ADD2: variants seen among roughly 807,000 people sequenced by gnomAD.
ADD2 encodes the protein adducin 2.
A neutral mutation model predicts 83.0 loss-of-function variants in ADD2; 23 were observed. That is an observed-to-expected ratio of 0.28 (90% CI 0.20 to 0.39). The LOEUF is 0.39. Among genes scored for constraint, ADD2 ranks in the 10% least tolerant of loss-of-function variants. The pLI is 1.00. For missense variants in ADD2, 758 were observed against 944.9 expected, an observed-to-expected ratio of 0.80 and a Z score of 2.59; for synonymous variants, 375 against 375.4, an observed-to-expected ratio of 1.00 and a Z score of 0.01.
chr2:70,673,267 C>T, intron 14 of ADD2: 1 of 1,614,070 alleles, frequency 6.2e-7, no homozygotes, highest in Non-Finnish European at 8.5e-7. Flanking sequence ...ATGTGGAGGG[C>T]AACGCTGAAG....
intron 1 of ADD2, among the ~76,000 whole-genome samples, chr2:70,757,723 G>T (rs996091473): frequency 6.6e-6 from 1 of 152,048 alleles, no homozygotes; most frequent in African/African-American, 2.4e-5. Context: ...GTAGATTTTT[G>T]AAAGTAAACC....
At chr2:70,709,190 T>A (rs1409017170) in intron 2 of ADD2, among the ~76,000 whole-genome samples, 1 of 152,130 alleles carries the variant, frequency 6.6e-6, no homozygotes, top group African/African-American at 2.4e-5. Flanking sequence ...TAGTTAGTCA[T>A]CTTCTTATGA....
chr2:70,705,939 G>A (rs1558546618), intron 3 of ADD2, among the ~76,000 whole-genome samples: 1 of 152,150 alleles, frequency 6.6e-6, no homozygotes, highest in Non-Finnish European at 1.5e-5. Context: ...GGGAAGACTG[G>A]GAACTGAGGC....
intron 9 of ADD2, among the ~76,000 whole-genome samples, chr2:70,685,658 T>C (rs1190755919): frequency 1.3e-5 from 2 of 152,226 alleles, no homozygotes; most frequent in East Asian, 3.8e-4. Context: ...TTTAAGGTAA[T>C]AGATCTAAAG....
Position 70,696,234 on chromosome 2 carries a change from G to A in ADD2, c.474+11C>T, listed in dbSNP as rs782486788. 17 of 1,609,158 alleles carry A rather than the reference G, an allele frequency of 1.1e-5. No individual in the cohort carries two copies. The highest frequency in any genetic ancestry group is 1.4e-5 in the Non-Finnish European group (17 of 1,177,950). On this transcript the variant is annotated intron_variant, in intron 5 of 15. Coordinates refer to ENST00000264436, the MANE Select transcript of ADD2 (RefSeq NM_001617.4). ...GCAGTGCCCCACCCAATTCCAGGGCGTTCTGCTCACCGTGACATAGGTGTC... is the reference window on the plus strand; with the variant it reads ...GCAGTGCCCCACCCAATTCCAGGGCATTCTGCTCACCGTGACATAGGTGTC...
At chr2:70,664,899 T>C (rs1270498920) in intron 15 of ADD2, among the ~76,000 whole-genome samples, 1 of 151,992 alleles carries the variant, frequency 6.6e-6, no homozygotes, top group African/African-American at 2.4e-5. Flanking sequence ...GTGAGTGGTA[T>C]ATGAGTGTGG....
chr2:70,724,954 T>C (rs782596316), intron 1 of ADD2, among the ~76,000 whole-genome samples: 12 of 152,344 alleles, frequency 7.9e-5, no homozygotes, highest in Non-Finnish European at 8.8e-5. Flanking sequence ...CTCTCTCCTC[T>C]ACTGCCTCTT....
intron 14 of ADD2, 100 bp from the exon 15 acceptor site, chr2:70,673,106 C>T: frequency 6.5e-7 from 1 of 1,538,830 alleles, no homozygotes; most frequent in Admixed American, 1.9e-5. Context: ...ATTTGGTCAT[C>T]AATCCTCCTG....
chr2:70,659,802 G>C lies in ADD2; in HGVS notation c.*3623C>G, dbSNP rs913666950. The C allele has an allele frequency of 2.6e-5, 4 of 152,198 alleles. No individual in the cohort carries two copies. Among genetic ancestry groups the C allele is most frequent in the African/African-American group, 9.7e-5 (4 of 41,430 alleles). 9.4% of individuals were successfully genotyped at this position (152,198 alleles called of 1,614,324 possible). Reference sequence around the variant, plus strand: ...CTACGCAAGGAGCCGTTGGAGCCAAGCCTGTCTCTGCGAAACCACTAATCC... The same window carrying C: ...CTACGCAAGGAGCCGTTGGAGCCAACCCTGTCTCTGCGAAACCACTAATCC... On this transcript the variant is annotated 3_prime_UTR_variant, in exon 16 of 16. Coordinates refer to ENST00000264436, the MANE Select transcript of ADD2 (RefSeq NM_001617.4).
chr2:70,680,387 CATCCATTCTGCT>C (rs1670397964), intron 10 of ADD2, among the ~76,000 whole-genome samples: 2 of 152,190 alleles, frequency 1.3e-5, no homozygotes, highest in African/African-American at 2.4e-5. Context: ...TTGTTTTGCA[CATCCATTCTGCT>C]AGTGCCACGC....
At chr2:70,679,086 T>A in intron 10 of ADD2, 125 bp from the exon 11 acceptor site, 1 of 1,159,508 alleles carries the variant, frequency 8.6e-7, no homozygotes, top group South Asian at 1.6e-5. Context: ...AAATCTCCAT[T>A]AAACAATCTA....
chr2:70,691,863 C>G (rs1553371710), intron 7 of ADD2: 1 of 152,378 alleles, frequency 6.6e-6, no homozygotes, highest in Admixed American at 6.5e-5. Context: ...GGGGGAGTAC[C>G]CAGAACTGGT....
In ADD2 at chr2:70,698,615, T is replaced by C. The variant is rs1239766222; in HGVS notation, c.323-2219A>G. Among the ~76,000 whole-genome samples, 5 of 152,238 alleles carry C rather than the reference T, an allele frequency of 3.3e-5. No individual in the cohort carries two copies. In the East Asian group the frequency reaches 9.6e-4, roughly 29 times the overall value. ...AATGATAAGTGTTTGAGGTGATGGT[T>C]ATTCCAATTATCCTGATTTGATCAT... On this transcript the variant is annotated intron_variant, in intron 4 of 15. Transcript: ENST00000264436.
intron 7 of ADD2, 56 bp from the exon 8 acceptor site, chr2:70,690,985 A>G: frequency 6.4e-7 from 1 of 1,568,990 alleles, no homozygotes. Flanking sequence ...CTTTCCTCAG[A>G]GCAGCACAGT....
At chr2:70,734,783 C>A (rs1276794950) in intron 1 of ADD2, among the ~76,000 whole-genome samples, 1 of 152,232 alleles carries the variant, frequency 6.6e-6, no homozygotes, top group Non-Finnish European at 1.5e-5. Flanking sequence ...AAGCCGACCA[C>A]CTCTGTACCC....
intron 1 of ADD2, among the ~76,000 whole-genome samples, chr2:70,739,163 G>T (rs1553380665): frequency 6.6e-6 from 1 of 152,086 alleles, no homozygotes; most frequent in African/African-American, 2.4e-5. Flanking sequence ...GTAATATCCA[G>T]CATCTATAAG....
In ADD2 at chr2:70,659,622, A is replaced by G. The variant is rs1271035393; in HGVS notation, c.*3803T>C. On this transcript the variant is annotated 3_prime_UTR_variant, in exon 16 of 16. Coordinates refer to ENST00000264436, the MANE Select transcript of ADD2 (RefSeq NM_001617.4). ...AGTTATAGGAGAGTGGAGGGGGTCA[A>G]CTGGCCAAAGTAGGACAGTTACTTG... 1 of 152,214 alleles carries G rather than the reference A, an allele frequency of 6.6e-6. No individual in the cohort carries two copies. The highest frequency in any genetic ancestry group is 1.5e-5 in the Non-Finnish European group (1 of 68,038). The allele number at this position is 152,214 out of a possible 1,614,324, so 9.4% of individuals were successfully genotyped here. A position where few individuals can be genotyped will look rare whatever the true frequency, so the allele number is the denominator to read the frequency against.
intron 1 of ADD2, among the ~76,000 whole-genome samples, chr2:70,765,776 G>T (rs1212695475): frequency 2.0e-5 from 3 of 152,104 alleles, no homozygotes; most frequent in Admixed American, 2.0e-4. Flanking sequence ...TCATGTTTTT[G>T]TATCAGCCTC....
In ADD2 at chr2:70,767,957, G is replaced by A; in HGVS notation, c.-225C>T. 4 of 1,535,464 alleles carry A rather than the reference G, an allele frequency of 2.6e-6. No homozygotes were observed. The Middle Eastern group carries it at 6.7e-4, about 257-fold the overall frequency. On this transcript the variant is annotated 5_prime_UTR_variant, in exon 1 of 16. Coordinates refer to ENST00000264436, the MANE Select transcript of ADD2 (RefSeq NM_001617.4). ...GTTTTGTTATTTTATGGGTTTGGGGGGTGGGGTGCGCTTAAAAAATCCACC... is the reference window on the plus strand; with the variant it reads ...GTTTTGTTATTTTATGGGTTTGGGGAGTGGGGTGCGCTTAAAAAATCCACC...
Sources: allele counts gnomAD v4.1 joint callset (sites outside exome capture counted in the v4.1 genomes callset), GRCh38; gene constraint gnomAD v4.1.1; transcripts MANE v1.5; gene names NCBI Gene and HGNC (gene_info 2026-07-23, HGNC 2026-07-21).